The following UNC13C variants were observed in gnomAD, a reference collection of about 807,000 sequenced individuals.
UNC13C encodes the protein protein unc-13 homolog C.
In UNC13C, 174 loss-of-function variants were observed where a neutral mutation model predicts 245.4. That is an observed-to-expected ratio of 0.71 (90% confidence interval 0.63 to 0.80). UNC13C has a LOEUF of 0.80. UNC13C is among the 30% of genes least tolerant of loss of function. UNC13C has a pLI of 0.00. For missense variants in UNC13C, 2,829 were observed against 2,602.9 expected (o/e 1.09, Z -1.89); for synonymous variants, 992 against 895.1 (o/e 1.11, Z -1.93).
intron 17 of UNC13C, among the ~76,000 whole-genome samples, chr15:54,391,666 T>C (rs1451844583): frequency 6.6e-6 from 1 of 152,144 alleles, no homozygotes; most frequent in Non-Finnish European, 1.5e-5. Context: ...TAATTTTTTT[T>C]TACCATTTTA....
intron 2 of UNC13C, among the ~76,000 whole-genome samples, chr15:54,109,255 C>T (rs1021702320): frequency 6.9e-6 from 1 of 144,618 alleles, no homozygotes; most frequent in Non-Finnish European, 1.5e-5. Context: ...CCTTTCTTTC[C>T]TTTCCTTTCC....
chr15:54,627,300 A>C lies in UNC13C; in HGVS notation c.*187A>C. The C allele has an allele frequency of 2.0e-6, 1 of 503,284 alleles. No individual in the cohort carries two copies. Among genetic ancestry groups the C allele is most frequent in the Non-Finnish European group, 3.4e-6 (1 of 297,098 alleles). 31.2% of individuals were successfully genotyped at this position (503,284 alleles called of 1,614,324 possible). ...CTGGTCTTTGGGAAATCAGTGTTCC[A>C]TGAAGTGCCAAAATTATGATGTAAA... On this transcript the variant is annotated 3_prime_UTR_variant, in exon 33 of 33. Transcript: ENST00000260323.
intron 17 of UNC13C, among the ~76,000 whole-genome samples, chr15:54,355,161 G>T (rs944486266): frequency 4.9e-5 from 7 of 142,060 alleles, no homozygotes; most frequent in East Asian, 4.4e-4. Context: ...GCAATTATAA[G>T]AAATAAATGT....
At chr15:54,520,672 G>C (rs1407350832) in intron 24 of UNC13C, among the ~76,000 whole-genome samples, 1 of 152,172 alleles carries the variant, frequency 6.6e-6, no homozygotes, top group Admixed American at 6.5e-5. Context: ...CAGGCAGTTA[G>C]AGAAGCAGGG....
At chr15:54,216,038 A>C (rs903327655) in intron 4 of UNC13C, among the ~76,000 whole-genome samples, 4 of 151,980 alleles carry the variant, frequency 2.6e-5, no homozygotes, top group African/African-American at 9.7e-5. Context: ...ACAAATGTAC[A>C]TGGTGATCCA....
intron 2 of UNC13C, among the ~76,000 whole-genome samples, chr15:54,079,759 A>G (rs141089912): frequency 1.2e-3 from 181 of 152,100 alleles, no homozygotes; most frequent in African/African-American, 3.6e-3. Flanking sequence ...CAGTAAATAG[A>G]AATAATTTGA....
intron 19 of UNC13C, among the ~76,000 whole-genome samples, chr15:54,442,106 T>G (rs2140991474): frequency 6.6e-6 from 1 of 152,164 alleles, no homozygotes; most frequent in Admixed American, 6.5e-5. Context: ...ATATAATGTC[T>G]TCCACAAAGA....
the UNC13C span, among the ~76,000 whole-genome samples, chr15:53,954,534 A>G: frequency 2.0e-5 from 3 of 152,198 alleles, no homozygotes; most frequent in African/African-American, 4.8e-5. Flanking sequence ...TCATCCTGCT[A>G]TTATGCAGTC....
At chr15:53,956,313 C>G in the UNC13C span, among the ~76,000 whole-genome samples, 65,533 of 151,702 alleles carry the variant, frequency 0.43, 14,371 homozygotes, top group East Asian at 0.61. Context: ...ACGTGTACCA[C>G]CTGAATCTAA....
intron 30 of UNC13C, among the ~76,000 whole-genome samples, chr15:54,585,255 A>C (rs1898428477): frequency 6.6e-6 from 1 of 152,098 alleles, no homozygotes; most frequent in Non-Finnish European, 1.5e-5. Flanking sequence ...TACCCTCCTC[A>C]TGGTAATGGC....
In UNC13C at chr15:54,264,336, C is replaced by T. The variant is rs746592678; in HGVS notation, c.3617C>T (p.Ala1206Val). The change falls in exon 9 of 33, where the codon GCG becomes GTG. Residue 1206 changes from alanine (A) to valine (V), a missense_variant. Transcript: ENST00000260323. ...GAAGATTTTGTGCAGTTTACAAAGG[C>T]GGCCAAACAGAGTGTACTGGATGGG... ...SKEDFVQFTKAAKQSVLDGTS... is the reference protein window; with the variant it reads ...SKEDFVQFTKVAKQSVLDGTS... 43 of 1,606,450 alleles carry T rather than the reference C, an allele frequency of 2.7e-5. No individual in the cohort carries two copies. In the East Asian group the frequency reaches 4.0e-4, roughly 15 times the overall value.
intron 1 of UNC13C, among the ~76,000 whole-genome samples, chr15:53,984,250 T>A (rs1027757146): frequency 1.3e-5 from 2 of 152,098 alleles, no homozygotes; most frequent in Admixed American, 6.6e-5. Context: ...GCTTTATCTC[T>A]TTTTCTATTT....
downstream of UNC13C, chr15:54,633,298 T>G (rs1367935725): frequency 6.6e-6 from 1 of 152,238 alleles, no homozygotes; most frequent in African/African-American, 2.4e-5. Flanking sequence ...TCCACTTATT[T>G]ACATCTTCAT....
chr15:53,864,961 G>C, the UNC13C span, among the ~76,000 whole-genome samples: 22,069 of 152,136 alleles, frequency 0.15, 1,792 homozygotes, highest in Admixed American at 0.22. Context: ...GGGGTCAGAA[G>C]TCCCGAATTC....
At chr15:54,596,871 G>A (rs1329358851) in intron 30 of UNC13C, among the ~76,000 whole-genome samples, 1 of 152,154 alleles carries the variant, frequency 6.6e-6, no homozygotes, top group Admixed American at 6.5e-5. Context: ...CTCACCAGTA[G>A]CTGAGCAGCT....
chr15:53,943,904 C>G, the UNC13C span, among the ~76,000 whole-genome samples: 1 of 151,770 alleles, frequency 6.6e-6, no homozygotes, highest in Admixed American at 6.6e-5. Flanking sequence ...TCTCTGAAGT[C>G]TGTGTTTTTA....
At chr15:54,350,829 A>G (rs2038965810) in intron 17 of UNC13C, among the ~76,000 whole-genome samples, 1 of 152,210 alleles carries the variant, frequency 6.6e-6, no homozygotes, top group Non-Finnish European at 1.5e-5. Flanking sequence ...TTCTTCAGAA[A>G]CTTTCATTCT....
At chr15:54,476,590 C>G (rs1198768332) in intron 19 of UNC13C, among the ~76,000 whole-genome samples, 17 of 151,708 alleles carry the variant, frequency 1.1e-4, no homozygotes, top group East Asian at 9.8e-4. Context: ...TCTTGTTTTT[C>G]TCAGGTTTGT....
intron 10 of UNC13C, among the ~76,000 whole-genome samples, chr15:54,276,699 A>G (rs1188433172): frequency 1.3e-5 from 2 of 152,114 alleles, no homozygotes; most frequent in African/African-American, 4.8e-5. Flanking sequence ...AGTTCTATAT[A>G]AAAAGTCATT....
Sources: gnomAD v4.1 joint callset for allele counts (sites outside exome capture counted in the v4.1 genomes callset) on GRCh38, gnomAD v4.1.1 for gene constraint, MANE v1.5 for transcripts, NCBI Gene and HGNC (gene_info 2026-07-23, HGNC 2026-07-21) for gene names.